The following ARMCX4 variants were observed in gnomAD, a reference collection of about 807,000 sequenced individuals.
ARMCX4 encodes armadillo repeat containing X-linked 4, also known as armadillo repeat-containing X-linked protein 4.
Under a neutral mutation model 34.7 loss-of-function variants are expected in ARMCX4, and 3 were observed. That is an observed-to-expected ratio of 0.09 (90% CI 0.04 to 0.22). The LOEUF (loss-of-function observed/expected upper bound fraction) is 0.22. Among genes scored for constraint, ARMCX4 ranks in the 10% least tolerant of loss-of-function variants. The pLI, the probability that ARMCX4 is intolerant of heterozygous loss-of-function variation, is 1.00. For synonymous variants in ARMCX4, 513 were observed against 632.8 expected (o/e 0.81, Z 2.84); for missense variants, 1,448 against 1,720.8 (o/e 0.84, Z 2.81).
downstream of ARMCX4, among the ~76,000 whole-genome samples, chrX:101,450,918 G>A (rs1469125162): frequency 9.0e-6 from 1 of 111,666 alleles, no homozygotes; most frequent in Non-Finnish European, 1.9e-5. Flanking sequence ...CTATCCTACT[G>A]TGTCTGAGCT....
At chrX:101,523,142 A>T (rs1464379525) in intron 11 of ARMCX4, among the ~76,000 whole-genome samples, 2 of 111,910 alleles carry the variant, frequency 1.8e-5, no homozygotes, top group Non-Finnish European at 3.8e-5. Context: ...GGGCAAAAGC[A>T]CCAGTGGCAC....
intron 4 of ARMCX4, among the ~76,000 whole-genome samples, chrX:101,477,940 T>G (rs1360157254): frequency 2.7e-5 from 3 of 112,098 alleles, no homozygotes; most frequent in African/African-American, 9.7e-5. Flanking sequence ...AAACATCCAT[T>G]CCTGATAACA....
intron 4 of ARMCX4, among the ~76,000 whole-genome samples, chrX:101,473,413 A>C (rs1933007422): frequency 9.6e-6 from 1 of 103,915 alleles, no homozygotes; most frequent in Admixed American, 1.0e-4. Flanking sequence ...ACAGAAAGTC[A>C]ACAAGGATAC....
chrX:101,450,676 G>T (rs1408101296), downstream of ARMCX4, among the ~76,000 whole-genome samples: 1 of 111,578 alleles, frequency 9.0e-6, no homozygotes, highest in Non-Finnish European at 1.9e-5. Context: ...CAATGTGCTG[G>T]GTCTCTCCTG....
intron 4 of ARMCX4, among the ~76,000 whole-genome samples, chrX:101,463,964 C>T (rs1338757978): frequency 2.7e-5 from 3 of 110,305 alleles, no homozygotes; most frequent in African/African-American, 9.9e-5. Flanking sequence ...CGCCATGTTG[C>T]CCCGGCTGGT....
At position 101,531,423 on chromosome X, in the gene ARMCX4, A is replaced by G. The variant is rs371057539; in HGVS notation, c.*1781-221A>G. On this transcript the variant is annotated intron_variant and NMD_transcript_variant, in intron 11 of 12. Coordinates refer to the ARMCX4 transcript ENST00000354842. ...TTTAAAGTGTTCTAGAGCTTAGGAA[A>G]ATGTAGAAATTTACCTAATTCTTTC... 1.4e-4 allele frequency among the ~76,000 whole-genome samples: 16 copies of G among 111,994 alleles called. 3 individuals carry two copies. Among genetic ancestry groups the G allele is most frequent in the East Asian group, 1.1e-3 (4 of 3,577 alleles).
chrX:101,531,820 A>G (rs1295294331), exon 12 of ARMCX4: 1 of 111,930 alleles, frequency 8.9e-6, no homozygotes, highest in Non-Finnish European at 1.9e-5. Flanking sequence ...TAGGATTATT[A>G]CATGGGACAC....
chrX:101,452,139 A>G (rs1243052188), downstream of ARMCX4, among the ~76,000 whole-genome samples: 1 of 112,175 alleles, frequency 8.9e-6, no homozygotes, highest in Non-Finnish European at 1.9e-5. Flanking sequence ...TGGGGGTGTT[A>G]TCCGATCTGA....
chrX:101,532,897 G>A (rs1189881676), intron 12 of ARMCX4: 1 of 111,557 alleles, frequency 9.0e-6, no homozygotes, highest in Admixed American at 9.6e-5. Flanking sequence ...GCATTATCCC[G>A]TGACAGTACG....
intron 11 of ARMCX4, among the ~76,000 whole-genome samples, chrX:101,527,625 G>A (rs1457296395): frequency 2.7e-5 from 3 of 111,245 alleles, no homozygotes; most frequent in African/African-American, 9.8e-5. Context: ...TCAAATAGAT[G>A]CAATAAAAAA....
intron 7 of ARMCX4, among the ~76,000 whole-genome samples, chrX:101,501,345 G>C (rs782327385): frequency 8.8e-6 from 1 of 113,194 alleles, no homozygotes; most frequent in East Asian, 2.8e-4. Flanking sequence ...GCTTAGCCCG[G>C]GAGGGTTCTT....
Position 101,444,824 on chromosome X carries a change from A to AG in ARMCX4, n.268+669_268+670insG, listed in dbSNP as rs782226449. Among the ~76,000 whole-genome samples the AG allele has an allele frequency of 3.5e-4, 26 of 74,443 alleles. 1 individual carries two copies. In the South Asian group the frequency reaches 0.014, roughly 40 times the overall value. The allele number at this position is 74,443 out of a possible 115,157, so 64.6% of individuals were successfully genotyped here. On this transcript the variant is annotated intron_variant and non_coding_transcript_variant, in intron 3 of 3. Transcript: ENST00000430461. ...AACCTCATCACCTCACATAGTTGCCATTTTGTGTGTGTGTGTGTGGTAAAG... is the reference window on the plus strand; with the variant it reads ...AACCTCATCACCTCACATAGTTGCCAGTTTTGTGTGTGTGTGTGTGGTAAAG...
downstream of ARMCX4, among the ~76,000 whole-genome samples, chrX:101,451,553 T>G (rs890529912): frequency 5.4e-5 from 5 of 92,984 alleles, no homozygotes; most frequent in Non-Finnish European, 1.1e-4. Flanking sequence ...ACCTGATTTT[T>G]AGTTCTTTTG....
At chrX:101,441,085 T>C (rs931870530) in intron 2 of ARMCX4, among the ~76,000 whole-genome samples, 1 of 111,366 alleles carries the variant, frequency 9.0e-6, no homozygotes, top group Non-Finnish European at 1.9e-5. Flanking sequence ...AGCTGTAGAC[T>C]GGAGCTGTTC....
chrX:101,447,132 A>G (rs1350915445), downstream of ARMCX4, among the ~76,000 whole-genome samples: 8 of 111,802 alleles, frequency 7.2e-5, no homozygotes, highest in Non-Finnish European at 1.3e-4. Context: ...TCCAGAGGGA[A>G]TGATCTGAAA....
Position 101,494,305 on chromosome X carries a change from G to T in ARMCX4, c.5716G>T (p.Ala1906Ser), listed in dbSNP as rs1556011163. Residue 1906 changes from alanine to serine, a missense_variant, in exon 6 of 6, where the codon GCT becomes TCT. Coordinates refer to ENST00000423738, the MANE Select transcript of ARMCX4 (RefSeq NM_001256155.3). ...EEISLRSLFW[A>S]ESENSNTFRS... ...GATCAGTTTAAGGTCTTTGTTTTGG[G>T]CTGAGAGTGAGAACAGTAATACGTT... is the stretch of plus-strand genomic sequence containing the variant. 2 of 1,155,399 alleles carry T rather than the reference G, an allele frequency of 1.7e-6. No homozygotes were observed. Among genetic ancestry groups the T allele is most frequent in the Non-Finnish European group, 2.3e-6 (2 of 872,735 alleles).
intron 4 of ARMCX4, among the ~76,000 whole-genome samples, chrX:101,471,097 C>G (rs1231430328): frequency 1.8e-5 from 2 of 112,079 alleles, no homozygotes; most frequent in Non-Finnish European, 3.8e-5. Context: ...AGATATCTAC[C>G]ATTGCAAAGC....
chrX:101,484,034 G>A (rs782589699), upstream of ARMCX4, among the ~76,000 whole-genome samples: 74 of 112,142 alleles, frequency 6.6e-4, no homozygotes, highest in Non-Finnish European at 5.1e-4. Context: ...ATTATTCTGA[G>A]GGGCTTGTAT....
At position 101,490,481 on chromosome X, in the gene ARMCX4, A is replaced by G. The variant is rs782309428; in HGVS notation, c.1892A>G (p.Glu631Gly). 1.7e-6 allele frequency: 2 copies of G among 1,155,519 alleles called. No homozygotes were observed. The highest frequency in any genetic ancestry group is 2.3e-6 in the Non-Finnish European group (2 of 872,797). Residue 631 changes from glutamate (E) to glycine (G), a missense_variant, in exon 6 of 6, where the codon GAG becomes GGG. Glu to Gly is a moderately conservative substitution (Grantham distance 98). Around this residue, in one of 2 missense-constraint regions of ARMCX4, gnomAD observed 1,343 missense variants for 1,540.7 expected, o/e 0.87. Coordinates refer to ENST00000423738, the MANE Select transcript of ARMCX4 (RefSeq NM_001256155.3). ...GGTACAACAGACTCTGCCCAGCCTGAGGCAGTGGTCAGTTTCCAGGGTGAG... is the reference window on the plus strand; with the variant it reads ...GGTACAACAGACTCTGCCCAGCCTGGGGCAGTGGTCAGTTTCCAGGGTGAG... ...GEGTTDSAQP[E>G]AVVSFQGEAL... is the part of the protein sequence containing the mutation.
Sources: gnomAD v4.1 joint callset for allele counts (sites outside exome capture counted in the v4.1 genomes callset) on GRCh38, gnomAD v4.1.1 for gene constraint, gnomAD v4.1.1 regional missense constraint, MANE v1.5 for transcripts, NCBI Gene and HGNC (gene_info 2026-07-23, HGNC 2026-07-21) for gene names.